The following WNK2 variants were observed in gnomAD, a reference collection of about 807,000 sequenced individuals.
WNK2 encodes the protein WNK lysine deficient protein kinase 2.
In WNK2, 67 loss-of-function variants were observed where a neutral mutation model predicts 192.1. The ratio of observed to expected loss-of-function variants is 0.35; its 90% confidence interval spans 0.29 to 0.43. WNK2 has a LOEUF of 0.43. Among genes scored for constraint, WNK2 ranks in the 20% least tolerant of loss-of-function variants. The pLI is 1.00. For synonymous variants in WNK2, 1,439 were observed against 1,393.9 expected, an observed-to-expected ratio of 1.03 and a Z score of -0.72; for missense variants, 2,698 against 3,089.7, an observed-to-expected ratio of 0.87 and a Z score of 3.01.
At chr9:93,319,091 C>T in intron 29 of WNK2, 1 of 1,613,624 alleles carries the variant, frequency 6.2e-7, no homozygotes, top group Non-Finnish European at 8.5e-7. Flanking sequence ...GAAGTGGGGG[C>T]TGCCCTCACC....
chr9:93,309,609 C>T (rs1167069441), intron 28 of WNK2, among the ~76,000 whole-genome samples: 1 of 152,198 alleles, frequency 6.6e-6, no homozygotes, highest in Admixed American at 6.5e-5. Context: ...TCTCTCTCTG[C>T]CTCTCCTTCG....
At chr9:93,302,926 T>TG (rs1321966186) in intron 26 of WNK2, among the ~76,000 whole-genome samples, 1 of 15,670 alleles carries the variant, frequency 6.4e-5, no homozygotes, top group Non-Finnish European at 3.4e-4. Flanking sequence ...GCAGTCTCCC[T>TG]TTTTTTTTTT....
rs769488881 is a variant in WNK2 at position 93,297,973 on chromosome 9, T to G, written c.5829T>G (p.Thr1943=). 1.9e-6 allele frequency: 3 copies of G among 1,569,540 alleles called. No individual in the cohort carries two copies. The highest frequency in any genetic ancestry group is 2.6e-6 in the Non-Finnish European group (3 of 1,158,576). Residue 1943 remains threonine, a synonymous_variant, in exon 24 of 30, where the codon ACT becomes ACG. Coordinates refer to ENST00000427277, the MANE Select transcript of WNK2 (RefSeq NM_006648.4). ...GCTTCTTCCACACGGCACCCCCCAC[T>G]GGCCGCCGGAGAAAAACCAGCAAGA... The part of the protein sequence containing the change: ...NVGFFHTAPP[T]GRRRKTSKSK...
intron 19 of WNK2, among the ~76,000 whole-genome samples, chr9:93,284,335 A>T (rs191218329): frequency 4.5e-4 from 69 of 152,342 alleles, no homozygotes; most frequent in Middle Eastern, 6.8e-3. Context: ...AAATCTAGTG[A>T]TACATGAAAA....
rs144210449 is a variant in WNK2 at position 93,293,129 on chromosome 9, C to G, written c.5664C>G (p.Leu1888=). 202 of 1,574,930 alleles carry G rather than the reference C, an allele frequency of 1.3e-4. No individual in the cohort carries two copies. In the African/African-American group the frequency reaches 2.3e-3, roughly 18 times the overall value. ...TCAGCAGCGACAATGATTCGGAGCT[C>G]GAGGATGCTGACATAAAGAAGGAGC... ...SYISSDNDSE[L]EDADIKKELQ... is the part of the protein sequence containing the mutation. Residue 1888 remains leucine, a synonymous_variant, in exon 23 of 30, where the codon CTC becomes CTG. Coordinates refer to ENST00000427277, the MANE Select transcript of WNK2 (RefSeq NM_006648.4).
At chr9:93,240,734 A>C (rs954257525) in intron 7 of WNK2, among the ~76,000 whole-genome samples, 3 of 152,194 alleles carry the variant, frequency 2.0e-5, no homozygotes. Flanking sequence ...ATGTGGGGAC[A>C]GGTGCAGCAG....
chr9:93,281,551 T>A (rs943413957), intron 19 of WNK2, among the ~76,000 whole-genome samples: 1 of 151,776 alleles, frequency 6.6e-6, no homozygotes, highest in African/African-American at 2.4e-5. Flanking sequence ...AATATAGAGA[T>A]TACAGTGAGA....
chr9:93,249,933 T>TTTA (rs1554710500), intron 8 of WNK2, among the ~76,000 whole-genome samples: 10 of 144,840 alleles, frequency 6.9e-5, no homozygotes, highest in East Asian at 2.1e-4. Context: ...TTTTTTTTTT[T>TTTA]AAAGACAGTC....
chr9:93,273,434 G>A (rs1432890314), intron 19 of WNK2, among the ~76,000 whole-genome samples: 4 of 152,202 alleles, frequency 2.6e-5, no homozygotes, highest in East Asian at 1.9e-4. Context: ...GATTACAGGC[G>A]TGAGCCACTG....
In WNK2 at chr9:93,243,810, A is replaced by C. The variant is rs113417102; in HGVS notation, c.1543-3733A>C. Among the ~76,000 whole-genome samples the C allele has an allele frequency of 1.4e-3, 216 of 152,332 alleles. 1 individual carries two copies. The highest frequency in any genetic ancestry group is 4.7e-3 in the African/African-American group (196 of 41,578). On this transcript the variant is annotated intron_variant, in intron 7 of 29. Transcript: ENST00000427277. ...CACTGGCCTCCCTGGGGTCCTGACAACAGCCCTGCCATGGACCCTAGACTG... is the reference window on the plus strand; with the variant it reads ...CACTGGCCTCCCTGGGGTCCTGACACCAGCCCTGCCATGGACCCTAGACTG...
intron 6 of WNK2, among the ~76,000 whole-genome samples, chr9:93,238,784 C>T (rs1256568225): frequency 6.6e-6 from 1 of 152,132 alleles, no homozygotes; most frequent in Admixed American, 6.5e-5. Context: ...GGTTGTTTGG[C>T]CCTTCTCAAA....
rs756698193 is a variant in WNK2 at position 93,292,899 on chromosome 9, G to A, written c.5434G>A (p.Glu1812Lys). Residue 1812 changes from glutamate to lysine, a missense_variant, in exon 23 of 30, where the codon GAG becomes AAG. This residue lies in a region of WNK2 where 1,098 missense variants were observed against 1,101.0 expected (regional missense o/e 1.00). Coordinates refer to ENST00000427277, the MANE Select transcript of WNK2 (RefSeq NM_006648.4). ...GEPVSSDSGD[E>K]GPRARPPVQK... The stretch of plus-strand genomic sequence containing the variant: ...GCCCGTGTCCAGCGACTCTGGGGAC[G>A]AGGGCCCTCGGGCGAGACCCCCGGT... 6 of 1,520,710 alleles carry A rather than the reference G, an allele frequency of 3.9e-6. No homozygotes were observed. The highest frequency in any genetic ancestry group is 2.3e-5 in the East Asian group (1 of 43,000). The allele number at this position is 1,520,710 out of a possible 1,614,324, so 94.2% of individuals were successfully genotyped here.
chr9:93,255,710 A>G (rs968039977), intron 9 of WNK2, among the ~76,000 whole-genome samples: 2 of 152,216 alleles, frequency 1.3e-5, no homozygotes, highest in African/African-American at 4.8e-5. Context: ...TCCCCTGTAA[A>G]TGATTCAGCC....
chr9:93,213,890 C>T (rs1389118832), intron 2 of WNK2, among the ~76,000 whole-genome samples: 3 of 152,204 alleles, frequency 2.0e-5, no homozygotes, highest in African/African-American at 4.8e-5. Context: ...TTTACCACAT[C>T]GTGGGCAGTA....
At position 93,185,564 on chromosome 9, in the gene WNK2, G is replaced by T; in HGVS notation, c.635G>T (p.Gly212Val). 6.2e-7 allele frequency: 1 copy of T among 1,612,870 alleles called. No homozygotes were observed. Among genetic ancestry groups the T allele is most frequent in the Non-Finnish European group, 8.5e-7 (1 of 1,179,588 alleles). ...GGTTCCTTCAAGACGGTCTACAAGGGGCTGGACACGGAGACCTGGGTGGAG... is the reference window on the plus strand; with the variant it reads ...GGTTCCTTCAAGACGGTCTACAAGGTGCTGGACACGGAGACCTGGGTGGAG... ...GRGSFKTVYKGLDTETWVEVA... is the reference protein window; with the variant it reads ...GRGSFKTVYKVLDTETWVEVA... The change falls in exon 2 of 30, where the codon GGG (glycine) becomes GTG (valine). Residue 212 changes from glycine (G) to valine (V), a missense_variant. Physicochemically the swap from Gly to Val is moderately radical, Grantham distance 109. Around this residue, in one of 7 missense-constraint regions of WNK2, gnomAD observed 230 missense variants for 501.1 expected, o/e 0.46. Coordinates refer to ENST00000427277, the MANE Select transcript of WNK2 (RefSeq NM_006648.4).
At chr9:93,221,755 T>C (rs1156256914) in intron 2 of WNK2, among the ~76,000 whole-genome samples, 2 of 152,036 alleles carry the variant, frequency 1.3e-5, no homozygotes, top group African/African-American at 2.4e-5. Flanking sequence ...GGCAGGGAAG[T>C]GTGGCAGGGC....
chr9:93,257,866 G>C lies in WNK2; in HGVS notation c.2382+727G>C, dbSNP rs892231678. ...ATGTAACTGGTGCAGAATGTAGCCG[G>C]GGCCAGGGCACCATTGCCCAGGTAA... On this transcript the variant is annotated intron_variant, in intron 11 of 29. Transcript: ENST00000427277. This position sits in a 1 kb window ranked among gnomAD's most constrained non-coding sequence, Gnocchi z 4.7. 1.3e-5 allele frequency among the ~76,000 whole-genome samples: 2 copies of C among 152,202 alleles called. No individual in the cohort carries two copies. Among genetic ancestry groups the C allele is most frequent in the African/African-American group, 2.4e-5 (1 of 41,436 alleles).
intron 2 of WNK2, among the ~76,000 whole-genome samples, chr9:93,200,609 G>A (rs867395658): frequency 1.3e-5 from 2 of 152,304 alleles, no homozygotes; most frequent in African/African-American, 2.4e-5. Flanking sequence ...TGGCACCCTC[G>A]TTTGCGGCTG....
chr9:93,208,696 G>GTATGTTCA (rs1233662281), intron 2 of WNK2, among the ~76,000 whole-genome samples: 1 of 4,076 alleles, frequency 2.5e-4, no homozygotes. Flanking sequence ...TGTGTTCTGT[G>GTATGTTCA]TGTCTGCGTG....
Sources: allele counts gnomAD v4.1 joint callset (sites outside exome capture counted in the v4.1 genomes callset), GRCh38; gene constraint gnomAD v4.1.1; regional missense constraint gnomAD v4.1.1; non-coding constraint Gnocchi (gnomAD v3.1); transcripts MANE v1.5; gene names NCBI Gene and HGNC (gene_info 2026-07-23, HGNC 2026-07-21).